NMBR: variants seen among roughly 807,000 people sequenced by gnomAD.
NMBR encodes neuromedin-B receptor.
NMBR carries 16 observed loss-of-function variants against 20.5 expected under a neutral mutation model. The ratio of observed to expected loss-of-function variants is 0.78; its 90% CI spans 0.53 to 1.19. NMBR has a LOEUF of 1.19. Ranked by LOEUF, NMBR falls within the 50% of genes most tolerant of loss-of-function variation. The probability of loss-of-function intolerance (pLI) is 0.00; values close to 1 mark genes in which losing one functional copy is unlikely to be tolerated. For synonymous variants in NMBR, 212 were observed against 196.6 expected, an observed-to-expected ratio of 1.08 and a Z score of -0.65; for missense variants, 582 against 499.1, an observed-to-expected ratio of 1.17 and a Z score of -1.58.
intron 1 of NMBR, among the ~76,000 whole-genome samples, chr6:142,090,581 T>C (rs1244983115): frequency 6.7e-6 from 1 of 149,558 alleles, no homozygotes; most frequent in Middle Eastern, 3.3e-3. Context: ...ATATAAATAT[T>C]CTATTTATAT....
intron 1 of NMBR, among the ~76,000 whole-genome samples, chr6:142,126,758 T>A (rs1340175029): frequency 2.7e-3 from 36 of 13,390 alleles, no homozygotes; most frequent in African/African-American, 6.3e-3. Flanking sequence ...ATTTGAGGGA[T>A]TTTTTTTTTT....
At chr6:142,143,784 A>G (rs1406813073) in intron 1 of NMBR, among the ~76,000 whole-genome samples, 2 of 96,742 alleles carry the variant, frequency 2.1e-5, no homozygotes, top group Non-Finnish European at 5.1e-5. Flanking sequence ...GCAAAAGCAA[A>G]GGAAAAAAAA....
At position 142,088,552 on chromosome 6, in the gene NMBR, G is replaced by C; in HGVS notation, c.107C>G (p.Thr36Ser). The C allele has an allele frequency of 6.2e-7, 1 of 1,613,914 alleles. No individual in the cohort carries two copies. Among genetic ancestry groups the C allele is most frequent in the Non-Finnish European group, 8.5e-7 (1 of 1,179,980 alleles). The change falls in exon 2 of 4, where the codon ACC (threonine) becomes AGC (serine). Residue 36 changes from threonine (T) to serine (S), a missense_variant. Physicochemically the swap from Thr to Ser is moderately conservative, Grantham distance 58. Transcript: ENST00000258042. ...ERDFLPASDGTTTELVIRCVI... is the reference protein window; with the variant it reads ...ERDFLPASDGSTTELVIRCVI... ...ACAGCGGATCACCAACTCCGTGGTG[G>C]TCCCGTCCGAGGCCGGCAGGAAATC...
chr6:142,144,487 C>T (rs532651051), intron 1 of NMBR, among the ~76,000 whole-genome samples: 1 of 152,118 alleles, frequency 6.6e-6, no homozygotes. Context: ...GCCCTCACCC[C>T]CTATTTTGTT....
At position 142,088,398 on chromosome 6, in the gene NMBR, G is replaced by A. The variant is rs139984675; in HGVS notation, c.261C>T (p.Ala87=). The A allele has an allele frequency of 9.3e-6, 15 of 1,613,968 alleles. No individual in the cohort carries two copies. Among genetic ancestry groups the A allele is most frequent in the Admixed American group, 1.7e-5 (1 of 59,992 alleles). Residue 87 remains alanine (A), a synonymous_variant, in exon 2 of 4, where the codon GCC becomes GCT. Coordinates refer to ENST00000258042, the MANE Select transcript of NMBR (RefSeq NM_002511.4). The part of the protein sequence containing the change: ...VPNIFISNLA[A]GDLLLLLTCV... The stretch of plus-strand genomic sequence containing the variant: ...AGGTGAGCAGCAGCAGCAAGTCCCC[G>A]GCCGCCAGGTTAGAGATGAAGATGT...
chr6:142,112,355 A>G (rs1047562008), intron 1 of NMBR, among the ~76,000 whole-genome samples: 2 of 152,202 alleles, frequency 1.3e-5, no homozygotes, highest in Non-Finnish European at 2.9e-5. Flanking sequence ...ATATGTCAGG[A>G]AAGCACTTCA....
chr6:142,076,872 T>A (rs1261185123), intron 3 of NMBR, among the ~76,000 whole-genome samples: 4 of 152,210 alleles, frequency 2.6e-5, no homozygotes, highest in Non-Finnish European at 5.9e-5. Flanking sequence ...TCATAATATT[T>A]TCTGAGTGAA....
chr6:142,137,006 A>T (rs1778271555), intron 1 of NMBR, among the ~76,000 whole-genome samples: 1 of 152,132 alleles, frequency 6.6e-6, no homozygotes, highest in Non-Finnish European at 1.5e-5. Flanking sequence ...TATGAATTTT[A>T]AAGTCGTTTT....
In NMBR at chr6:142,088,902, TAA is replaced by T. The variant is rs66629528; in HGVS notation, c.-246_-245del. ...GCTCCGGCTAACTCTGAATTTAAAT[TAA>T]AAAAAAAAAAAAAGCAAAGCGGTTG... is the stretch of plus-strand genomic sequence containing the variant. On this transcript the variant is annotated 5_prime_UTR_variant, in exon 2 of 4. Transcript: ENST00000258042. 0.082 allele frequency: 25,254 copies of T among 308,434 alleles called. No homozygotes were observed. Among genetic ancestry groups the T allele is most frequent in the East Asian group, 0.2 (3,614 of 17,856 alleles). 19.1% of individuals were successfully genotyped at this position (308,434 alleles called of 1,614,324 possible).
At chr6:142,140,058 T>C (rs1778339410) in intron 1 of NMBR, among the ~76,000 whole-genome samples, 1 of 152,076 alleles carries the variant, frequency 6.6e-6, no homozygotes, top group African/African-American at 2.4e-5. Flanking sequence ...AAATTCGTAG[T>C]GCACTGAAAA....
At chr6:142,110,451 G>T (rs1364844660) in intron 1 of NMBR, among the ~76,000 whole-genome samples, 1 of 152,102 alleles carries the variant, frequency 6.6e-6, no homozygotes, top group Non-Finnish European at 1.5e-5. Flanking sequence ...CTAAGTAAAA[G>T]AAGCTAATTT....
intron 1 of NMBR, among the ~76,000 whole-genome samples, chr6:142,146,236 G>T (rs770592099): frequency 3.9e-5 from 6 of 152,140 alleles, no homozygotes; most frequent in African/African-American, 1.4e-4. Flanking sequence ...GACATGGAGC[G>T]GTTTCTTCTG....
At chr6:142,076,555 A>G (rs1331863940) in intron 3 of NMBR, among the ~76,000 whole-genome samples, 1 of 152,182 alleles carries the variant, frequency 6.6e-6, no homozygotes, top group Non-Finnish European at 1.5e-5. Context: ...GACTTACACA[A>G]ATCAAAAGCA....
chr6:142,083,598 G>A (rs1777142191), intron 2 of NMBR, among the ~76,000 whole-genome samples: 2 of 152,104 alleles, frequency 1.3e-5, no homozygotes, highest in South Asian at 4.2e-4. Context: ...TGGATCATGA[G>A]GGCAAATTTC....
At chr6:142,138,862 G>A (rs770735482) in intron 1 of NMBR, among the ~76,000 whole-genome samples, 1 of 152,108 alleles carries the variant, frequency 6.6e-6, no homozygotes, top group East Asian at 1.9e-4. Context: ...CTTAGTTCTG[G>A]AGCACAGTTA....
At chr6:142,105,391 T>C (rs1777643426) in intron 1 of NMBR, among the ~76,000 whole-genome samples, 1 of 152,194 alleles carries the variant, frequency 6.6e-6, no homozygotes. Flanking sequence ...CAAATTCTAG[T>C]TTTATGTTGT....
At chr6:142,094,284 G>T (rs1777398906) in intron 1 of NMBR, among the ~76,000 whole-genome samples, 1 of 152,050 alleles carries the variant, frequency 6.6e-6, no homozygotes, top group Non-Finnish European at 1.5e-5. Flanking sequence ...ATTGTTTTAG[G>T]TCTAACATTT....
Position 142,076,009 on chromosome 6 carries a change from A to G in NMBR, c.812T>C (p.Phe271Ser), listed in dbSNP as rs560419801. 3 of 1,606,568 alleles carry G rather than the reference A, an allele frequency of 1.9e-6. No individual in the cohort carries two copies. In the South Asian group the frequency reaches 3.4e-5, roughly 18 times the overall value. The change falls in exon 4 of 4, where the codon TTT becomes TCT. Residue 271 changes from phenylalanine to serine, a missense_variant. Phe to Ser is a radical substitution (Grantham distance 155). Coordinates refer to ENST00000258042, the MANE Select transcript of NMBR (RefSeq NM_002511.4). ...CCAACAGAAGATGAAACAGCCCACAAAGACAAGCACAATTTTAGCCAGGCG... is the reference window on the plus strand; with the variant it reads ...CCAACAGAAGATGAAACAGCCCACAGAGACAAGCACAATTTTAGCCAGGCG... The part of the protein sequence containing the change: ...RKRLAKIVLV[F>S]VGCFIFCWFP...
In NMBR at chr6:142,147,113, G is replaced by T. The variant is rs998816631; in HGVS notation, c.-733C>A. On this transcript the variant is annotated 5_prime_UTR_variant, in exon 1 of 4. Transcript: ENST00000258042. ...CTCGGGTCTTCTGTGGGTTCTAACC[G>T]CCGAGAGCCAAGCACCCTGAGGTTG... 75 of 648,470 alleles carry T rather than the reference G, an allele frequency of 1.2e-4. No individual in the cohort carries two copies. In the African/African-American group the frequency reaches 1.2e-3, roughly 10 times the overall value. The allele number at this position is 648,470 out of a possible 1,614,324, so 40.2% of individuals were successfully genotyped here.
Sources: gnomAD v4.1 joint callset for allele counts (sites outside exome capture counted in the v4.1 genomes callset) on GRCh38, gnomAD v4.1.1 for gene constraint, MANE v1.5 for transcripts, NCBI Gene and HGNC (gene_info 2026-07-23, HGNC 2026-07-21) for gene names.